Variants in CDK17 observed in about 807,000 individuals in gnomAD.
CDK17 encodes the protein cyclin-dependent kinase 17.
In CDK17, 24 loss-of-function variants were observed where a neutral mutation model predicts 77.6. That is an observed-to-expected ratio of 0.31 (90% CI 0.22 to 0.44). The LOEUF (loss-of-function observed/expected upper bound fraction) is 0.44, where lower values mean the gene tolerates loss of function less well. CDK17 is among the 20% of genes least tolerant of loss of function. The pLI, the probability that CDK17 is intolerant of heterozygous loss-of-function variation, is 1.00. For synonymous variants in CDK17, 203 were observed against 210.4 expected, an observed-to-expected ratio of 0.96 and a Z score of 0.30; for missense variants, 429 against 622.5, an observed-to-expected ratio of 0.69 and a Z score of 3.31.
intron 1 of CDK17, among the ~76,000 whole-genome samples, chr12:96,385,831 T>C (rs1953964060): frequency 6.6e-6 from 1 of 152,022 alleles, no homozygotes; most frequent in Non-Finnish European, 1.5e-5. Flanking sequence ...ACAGTATCAC[T>C]GATAAGAAAC....
rs1396599829 is a variant in CDK17 at position 96,349,758 on chromosome 12, A to C, written c.-29-14893T>G. 9.2e-5 allele frequency among the ~76,000 whole-genome samples: 14 copies of C among 152,204 alleles called. 1 individual carries two copies. Among genetic ancestry groups the C allele is most frequent in the Non-Finnish European group, 1.5e-5 (1 of 68,042 alleles). On this transcript the variant is annotated intron_variant, in intron 1 of 16. Coordinates refer to ENST00000261211, the MANE Select transcript of CDK17 (RefSeq NM_002595.5). The stretch of plus-strand genomic sequence containing the variant: ...CACTTCTATTCAATACCGTGCTGGA[A>C]GTTCTAGTCAGAACAATTAGGCAAG...
intron 13 of CDK17, among the ~76,000 whole-genome samples, chr12:96,285,452 G>A (rs902571052): frequency 6.6e-6 from 1 of 152,034 alleles, no homozygotes; most frequent in Non-Finnish European, 1.5e-5. Flanking sequence ...TGGGGGGGTT[G>A]GGGGCAGGGA....
chr12:96,396,164 A>AT (rs1332316126), intron 1 of CDK17, among the ~76,000 whole-genome samples: 1 of 152,166 alleles, frequency 6.6e-6, no homozygotes, highest in African/African-American at 2.4e-5. Flanking sequence ...ATGTCTATTG[A>AT]TTTTCCATGT....
At chr12:96,292,403 C>T (rs533969821) in intron 10 of CDK17, among the ~76,000 whole-genome samples, 5 of 152,172 alleles carry the variant, frequency 3.3e-5, no homozygotes, top group Admixed American at 2.0e-4. Context: ...GCCAGGAGTT[C>T]GAGACCAGCC....
intron 16 of CDK17, chr12:96,280,546 G>C: frequency 7.1e-7 from 1 of 1,411,566 alleles, no homozygotes; most frequent in African/African-American, 1.4e-5. Context: ...GATCAAGCCA[G>C]GTCACTTGTA....
intron 1 of CDK17, among the ~76,000 whole-genome samples, chr12:96,339,026 G>T (rs981075595): frequency 6.6e-6 from 1 of 151,608 alleles, no homozygotes; most frequent in Admixed American, 6.6e-5. Context: ...TGCATTATCC[G>T]ACTATACAGA....
At chr12:96,303,206 A>G (rs919856570) in intron 5 of CDK17, 1 of 152,164 alleles carries the variant, frequency 6.6e-6, no homozygotes, top group African/African-American at 2.4e-5. Flanking sequence ...ACCCAGCACA[A>G]TGTTAGGTGC....
At chr12:96,368,210 G>T (rs1435503076) in intron 1 of CDK17, among the ~76,000 whole-genome samples, 1 of 152,118 alleles carries the variant, frequency 6.6e-6, no homozygotes, top group African/African-American at 2.4e-5. Flanking sequence ...ACTGGAAGAT[G>T]GTATTCTGAA....
At chr12:96,342,654 T>A (rs1190795429) in intron 1 of CDK17, among the ~76,000 whole-genome samples, 1 of 152,188 alleles carries the variant, frequency 6.6e-6, no homozygotes, top group Non-Finnish European at 1.5e-5. Context: ...ATAGGTTTTT[T>A]ATACAAACAC....
intron 2 of CDK17, among the ~76,000 whole-genome samples, chr12:96,325,206 C>T (rs1180062545): frequency 6.6e-6 from 1 of 152,198 alleles, no homozygotes; most frequent in Non-Finnish European, 1.5e-5. Context: ...TTAAAAAGAA[C>T]TGGGCTGCTC....
At chr12:96,319,386 A>C (rs1952782253) in intron 3 of CDK17, among the ~76,000 whole-genome samples, 1 of 93,068 alleles carries the variant, frequency 1.1e-5, no homozygotes, top group African/African-American at 4.4e-5. Flanking sequence ...AGGAACTGGT[A>C]CCATTCCTTC....
chr12:96,298,914 G>C lies in CDK17; in HGVS notation c.670C>G (p.Arg224Gly). The C allele has an allele frequency of 6.2e-7, 1 of 1,610,202 alleles. No individual in the cohort carries two copies. Among genetic ancestry groups the C allele is most frequent in the Non-Finnish European group, 8.5e-7 (1 of 1,176,958 alleles). ...TENLVALKEIRLEHEEGAPCT... is the reference protein window; with the variant it reads ...TENLVALKEIGLEHEEGAPCT... ...GGTGCACCTTCTTCATGTTCCAATC[G>C]GATCTCTTTTAATGCCACCAAATTC... The change falls in exon 7 of 17, where the codon CGA (arginine) becomes GGA (glycine). Residue 224 changes from arginine (R) to glycine (G), a missense_variant. By Grantham distance (125) the Arg-to-Gly change is moderately radical. Transcript: ENST00000261211.
intron 1 of CDK17, among the ~76,000 whole-genome samples, chr12:96,372,175 A>G (rs1462220721): frequency 6.6e-6 from 1 of 152,320 alleles, no homozygotes; most frequent in South Asian, 2.1e-4. Context: ...AATTCTACTA[A>G]GTAGTGGCCA....
At chr12:96,380,831 C>G (rs1032991127) in intron 1 of CDK17, among the ~76,000 whole-genome samples, 2 of 152,180 alleles carry the variant, frequency 1.3e-5, no homozygotes, top group African/African-American at 4.8e-5. Context: ...ACCTTTATCT[C>G]TATTTCTATC....
intron 1 of CDK17, among the ~76,000 whole-genome samples, chr12:96,366,192 C>G (rs912513539): frequency 1.3e-5 from 2 of 152,160 alleles, no homozygotes; most frequent in East Asian, 3.8e-4. Context: ...TAAATGATAT[C>G]AAGTTATTTA....
intron 1 of CDK17, among the ~76,000 whole-genome samples, chr12:96,378,530 T>C (rs2137222168): frequency 6.6e-6 from 1 of 152,370 alleles, no homozygotes; most frequent in South Asian, 2.1e-4. Context: ...AGAATGGTGT[T>C]AGAAACCAAG....
chr12:96,350,523 G>A (rs1262497073), intron 1 of CDK17, among the ~76,000 whole-genome samples: 1 of 152,076 alleles, frequency 6.6e-6, no homozygotes, highest in Non-Finnish European at 1.5e-5. Flanking sequence ...ATTGACATAA[G>A]AATAGATATA....
chr12:96,283,567 C>T (rs779073044), intron 14 of CDK17, 36 bp downstream of exon 14: 1 of 1,350,404 alleles, frequency 7.4e-7, no homozygotes, highest in Non-Finnish European at 1.1e-6. Context: ...TGAGGCTTAA[C>T]AACCTATTTA....
intron 2 of CDK17, among the ~76,000 whole-genome samples, chr12:96,326,706 T>G (rs1295526892): frequency 6.6e-6 from 1 of 152,192 alleles, no homozygotes; most frequent in African/African-American, 2.4e-5. Context: ...TTCTAACAAA[T>G]TCCCAGGTCC....
Sources: allele counts gnomAD v4.1 joint callset (sites outside exome capture counted in the v4.1 genomes callset), GRCh38; gene constraint gnomAD v4.1.1; transcripts MANE v1.5; gene names NCBI Gene and HGNC (gene_info 2026-07-23, HGNC 2026-07-21).